KCNK2: variants seen among roughly 807,000 people sequenced by gnomAD.
KCNK2 encodes potassium two pore domain channel subfamily K member 2, also known as potassium channel subfamily K member 2.
KCNK2 carries 21 observed loss-of-function variants against 40.5 expected under a neutral mutation model. The observed-to-expected ratio is 0.52, with a 90% CI of 0.37 to 0.75. The LOEUF is 0.75. Ranked by LOEUF, KCNK2 falls within the 30% of genes least tolerant of loss-of-function variation. The pLI is 0.00. For synonymous variants in KCNK2, 191 were observed against 202.2 expected, an observed-to-expected ratio of 0.94 and a Z score of 0.47; for missense variants, 399 against 531.6, an observed-to-expected ratio of 0.75 and a Z score of 2.45.
intron 1 of KCNK2, among the ~76,000 whole-genome samples, chr1:215,053,522 G>T (rs981254257): frequency 6.6e-6 from 1 of 152,202 alleles, no homozygotes; most frequent in Non-Finnish European, 1.5e-5. Flanking sequence ...AAATGTACAA[G>T]ATATTGAATG....
At chr1:215,016,709 C>A (rs536113291) in intron 1 of KCNK2, among the ~76,000 whole-genome samples, 1 of 152,162 alleles carries the variant, frequency 6.6e-6, no homozygotes, top group East Asian at 1.9e-4. Flanking sequence ...TGTATATGAA[C>A]CCCAAAGCAC....
At chr1:215,200,360 G>A (rs1558135713) in intron 6 of KCNK2, among the ~76,000 whole-genome samples, 2 of 152,168 alleles carry the variant, frequency 1.3e-5, no homozygotes, top group African/African-American at 4.8e-5. Flanking sequence ...ACTGTTTCAG[G>A]AAAAGAGCTG....
chr1:215,229,234 G>T, intron 6 of KCNK2, among the ~76,000 whole-genome samples: 1 of 143,228 alleles, frequency 7.0e-6, no homozygotes, highest in African/African-American at 2.6e-5. Context: ...GAATGTGAAT[G>T]ATTAATTCTT....
At chr1:215,173,948 T>C (rs1467952751) in intron 5 of KCNK2, among the ~76,000 whole-genome samples, 2 of 152,206 alleles carry the variant, frequency 1.3e-5, no homozygotes, top group African/African-American at 2.4e-5. Context: ...GTAGTTTCTT[T>C]TGCTGTGCAG....
chr1:215,186,245 A>G (rs1664426987), intron 5 of KCNK2, among the ~76,000 whole-genome samples: 2 of 152,122 alleles, frequency 1.3e-5, no homozygotes, highest in African/African-American at 4.8e-5. Flanking sequence ...TCTTGTCTCT[A>G]CAAACATTTT....
At chr1:215,230,859 GA>G (rs369884476) in intron 6 of KCNK2, among the ~76,000 whole-genome samples, 462 of 150,600 alleles carry the variant, frequency 3.1e-3, no homozygotes, top group Non-Finnish European at 5.2e-3. Context: ...ACAGAAATGA[GA>G]AAAAAAAAGT....
intron 3 of KCNK2, among the ~76,000 whole-genome samples, chr1:215,135,151 G>A (rs181399865): frequency 3.2e-4 from 49 of 152,212 alleles, no homozygotes; most frequent in Admixed American, 6.5e-4. Context: ...TGCTTATGCT[G>A]CTTAGAAGGA....
chr1:215,158,758 T>C (rs1411664905), intron 3 of KCNK2, among the ~76,000 whole-genome samples: 1 of 152,136 alleles, frequency 6.6e-6, no homozygotes, highest in African/African-American at 2.4e-5. Flanking sequence ...TGAAATAGGA[T>C]AACTCAGACG....
At chr1:215,027,754 A>G (rs767128961) in intron 1 of KCNK2, among the ~76,000 whole-genome samples, 4 of 152,202 alleles carry the variant, frequency 2.6e-5, no homozygotes, top group African/African-American at 9.7e-5. Context: ...TGTAGTATAG[A>G]TAGGATGAAT....
chr1:215,155,529 T>C (rs948116629), intron 3 of KCNK2, among the ~76,000 whole-genome samples: 10 of 152,138 alleles, frequency 6.6e-5, no homozygotes, highest in Admixed American at 1.3e-4. Context: ...TTCATTCATT[T>C]ATTTATTTAG....
intron 6 of KCNK2, among the ~76,000 whole-genome samples, chr1:215,225,422 T>C (rs1203802772): frequency 6.6e-6 from 1 of 152,250 alleles, no homozygotes; most frequent in East Asian, 1.9e-4. Context: ...TGGAAATTCG[T>C]GGTCAGAATT....
intron 2 of KCNK2, among the ~76,000 whole-genome samples, chr1:215,123,436 TTAAAG>T (rs1661283088): frequency 6.6e-6 from 1 of 151,994 alleles, no homozygotes; most frequent in Non-Finnish European, 1.5e-5. Context: ...TATATCACTG[TTAAAG>T]TAAATAAAAG....
intron 6 of KCNK2, among the ~76,000 whole-genome samples, chr1:215,213,012 T>C (rs899079943): frequency 6.6e-6 from 1 of 152,188 alleles, no homozygotes; most frequent in Non-Finnish European, 1.5e-5. Flanking sequence ...AGTCAGTATG[T>C]TTTCTCACAG....
chr1:215,011,271 T>A (rs1386037384), intron 1 of KCNK2, among the ~76,000 whole-genome samples: 1 of 152,114 alleles, frequency 6.6e-6, no homozygotes, highest in Non-Finnish European at 1.5e-5. Flanking sequence ...AATGAAATCA[T>A]ACAGTTTACA....
chr1:215,225,318 T>A (rs1306879038), intron 6 of KCNK2, among the ~76,000 whole-genome samples: 8 of 152,224 alleles, frequency 5.3e-5, no homozygotes, highest in Non-Finnish European at 1.2e-4. Flanking sequence ...CTCATAAACA[T>A]TGACTTCATA....
chr1:215,220,348 C>T lies in KCNK2; in HGVS notation c.964-14480C>T, dbSNP rs1023382933. 7.2e-5 allele frequency among the ~76,000 whole-genome samples: 11 copies of T among 152,198 alleles called. No individual in the cohort carries two copies. The South Asian group carries it at 8.3e-4, about 11-fold the overall frequency. ...TTGTGTGTAGCCAATCTTGAGTTGC[C>T]GCTACTGCCACCACCAGGAACCCTG... On this transcript the variant is annotated intron_variant, in intron 6 of 6. Transcript: ENST00000444842.
chr1:215,209,284 A>AT (rs1558139726), intron 6 of KCNK2, among the ~76,000 whole-genome samples: 16 of 106,084 alleles, frequency 1.5e-4, no homozygotes, highest in African/African-American at 6.2e-4. Context: ...ATATACACAT[A>AT]TTTTATATAT....
chr1:215,164,375 T>G (rs1222540245), intron 3 of KCNK2, among the ~76,000 whole-genome samples: 1 of 152,192 alleles, frequency 6.6e-6, no homozygotes, highest in Admixed American at 6.6e-5. Context: ...ACCTCCTAGA[T>G]TCATTGATGT....
intron 1 of KCNK2, among the ~76,000 whole-genome samples, chr1:215,051,738 T>C (rs1657997245): frequency 1.3e-5 from 2 of 152,138 alleles, no homozygotes; most frequent in East Asian, 1.9e-4. Flanking sequence ...GATCCGTATA[T>C]GGCTAGAGTG....
Sources: gnomAD v4.1 joint callset for allele counts (sites outside exome capture counted in the v4.1 genomes callset) on GRCh38, gnomAD v4.1.1 for gene constraint, MANE v1.5 for transcripts, NCBI Gene and HGNC (gene_info 2026-07-23, HGNC 2026-07-21) for gene names.